Variants in HPSE2 observed in about 807,000 individuals in gnomAD.
HPSE2 encodes the protein inactive heparanase-2.
Under a neutral mutation model 60.5 loss-of-function variants are expected in HPSE2, and 38 were observed. The ratio of observed to expected loss-of-function variants is 0.63; its 90% CI spans 0.48 to 0.82. The LOEUF (loss-of-function observed/expected upper bound fraction) is 0.82. Ranked by LOEUF, HPSE2 falls within the 40% of genes least tolerant of loss-of-function variation. HPSE2 has a pLI of 0.00. For missense variants in HPSE2, 713 were observed against 740.4 expected, an observed-to-expected ratio of 0.96 and a Z score of 0.43; for synonymous variants, 295 against 293.2, an observed-to-expected ratio of 1.01 and a Z score of -0.06.
At chr10:98,472,648 C>T (rs1171182598) in intron 11 of HPSE2, among the ~76,000 whole-genome samples, 1 of 151,974 alleles carries the variant, frequency 6.6e-6, no homozygotes, top group Non-Finnish European at 1.5e-5. Flanking sequence ...AAAACAGATT[C>T]CGAGTGAATC....
intron 2 of HPSE2, among the ~76,000 whole-genome samples, chr10:99,161,446 A>C (rs1846841080): frequency 6.6e-6 from 1 of 152,294 alleles, no homozygotes; most frequent in South Asian, 2.1e-4. Flanking sequence ...TGGTGAAAGA[A>C]GCCAGACACA....
intron 3 of HPSE2, among the ~76,000 whole-genome samples, chr10:99,081,129 G>C (rs894248984): frequency 1.3e-5 from 2 of 152,250 alleles, no homozygotes; most frequent in African/African-American, 4.8e-5. Flanking sequence ...ACCAAAAGTA[G>C]AGAATGTTGG....
chr10:98,901,973 T>C (rs1035413273), intron 3 of HPSE2, among the ~76,000 whole-genome samples: 4 of 152,306 alleles, frequency 2.6e-5, no homozygotes, highest in East Asian at 3.9e-4. Flanking sequence ...ACCAGGTACC[T>C]TAGTCTCTAA....
intron 3 of HPSE2, among the ~76,000 whole-genome samples, chr10:99,092,541 C>G (rs1224221023): frequency 6.6e-6 from 1 of 152,122 alleles, no homozygotes; most frequent in African/African-American, 2.4e-5. Flanking sequence ...AAGTATTTAG[C>G]AACAATACTT....
chr10:98,753,776 G>GAAA (rs1949814520), intron 3 of HPSE2, among the ~76,000 whole-genome samples: 2 of 152,148 alleles, frequency 1.3e-5, no homozygotes, highest in Admixed American at 1.3e-4. Context: ...ATCCAGAAAA[G>GAAA]AAACTAGTCA....
intron 2 of HPSE2, among the ~76,000 whole-genome samples, chr10:99,187,015 C>T (rs1848055159): frequency 6.6e-6 from 1 of 152,020 alleles, no homozygotes; most frequent in African/African-American, 2.4e-5. Context: ...AACTCCTGGA[C>T]TCAAGCAATC....
chr10:99,029,685 T>C (rs563910088), intron 3 of HPSE2, among the ~76,000 whole-genome samples: 6 of 152,290 alleles, frequency 3.9e-5, no homozygotes, highest in African/African-American at 1.4e-4. Context: ...AATTTTCTGC[T>C]GCTATCTAGA....
At chr10:99,243,128 C>T in the HPSE2 span, among the ~76,000 whole-genome samples, 4 of 152,000 alleles carry the variant, frequency 2.6e-5, no homozygotes, top group Non-Finnish European at 4.4e-5. Context: ...CTGAGGCAGG[C>T]GGATCACGAG....
At chr10:99,031,579 C>T (rs563247214) in intron 3 of HPSE2, among the ~76,000 whole-genome samples, 3 of 152,218 alleles carry the variant, frequency 2.0e-5, no homozygotes, top group Admixed American at 6.5e-5. Context: ...GAATTTGAGC[C>T]TGGATTTTTA....
At chr10:99,243,188 C>G in the HPSE2 span, among the ~76,000 whole-genome samples, 1 of 151,834 alleles carries the variant, frequency 6.6e-6, no homozygotes, top group Non-Finnish European at 1.5e-5. Flanking sequence ...CCTGTCTCTA[C>G]TAAAAATAAA....
chr10:99,048,009 A>G, intron 3 of HPSE2: 3 of 692,736 alleles, frequency 4.3e-6, no homozygotes, highest in Non-Finnish European at 7.9e-6. Flanking sequence ...ACCTTTGCGA[A>G]GCTCAACAAG....
At chr10:98,611,180 G>GC (rs1379177108) in intron 9 of HPSE2, among the ~76,000 whole-genome samples, 1 of 152,216 alleles carries the variant, frequency 6.6e-6, no homozygotes, top group Non-Finnish European at 1.5e-5. Context: ...AAATGTCATA[G>GC]CAGGAGGTGG....
chr10:98,684,061 G>C (rs950437850), intron 6 of HPSE2, among the ~76,000 whole-genome samples: 8 of 152,172 alleles, frequency 5.3e-5, no homozygotes, highest in African/African-American at 1.9e-4. Flanking sequence ...CTCTACTACA[G>C]GGTCTCAACG....
chr10:98,857,108 C>T (rs1186495285), intron 3 of HPSE2, among the ~76,000 whole-genome samples: 1 of 152,156 alleles, frequency 6.6e-6, no homozygotes, highest in Admixed American at 6.6e-5. Context: ...CATCATCTTT[C>T]AGGAGATAGC....
In HPSE2 at chr10:98,978,245, A is replaced by T. The variant is rs547260234; in HGVS notation, c.610+165993T>A. 7.0e-4 allele frequency among the ~76,000 whole-genome samples: 107 copies of T among 152,254 alleles called. 1 individual carries two copies. Among genetic ancestry groups the T allele is most frequent in the African/African-American group, 2.5e-3 (103 of 41,570 alleles). On this transcript the variant is annotated intron_variant, in intron 3 of 11. Coordinates refer to ENST00000370552, the MANE Select transcript of HPSE2 (RefSeq NM_021828.5). ...GTGGGCATAGGAGATAAATTTTTTTAAAAGGCTATGGTTTCGAAGGAATCA... is the reference window on the plus strand; with the variant it reads ...GTGGGCATAGGAGATAAATTTTTTTTAAAGGCTATGGTTTCGAAGGAATCA...
At chr10:98,758,530 G>A (rs1383029813) in intron 3 of HPSE2, among the ~76,000 whole-genome samples, 1 of 152,080 alleles carries the variant, frequency 6.6e-6, no homozygotes, top group Non-Finnish European at 1.5e-5. Flanking sequence ...AAGGGCATGA[G>A]CAGACACTTC....
the HPSE2 span, among the ~76,000 whole-genome samples, chr10:99,263,290 T>A: frequency 6.6e-6 from 1 of 152,146 alleles, no homozygotes; most frequent in African/African-American, 2.4e-5. Context: ...TCTGCCCCTC[T>A]CCACTACCTC....
At chr10:99,030,285 G>A (rs187256415) in intron 3 of HPSE2, among the ~76,000 whole-genome samples, 58 of 151,986 alleles carry the variant, frequency 3.8e-4, no homozygotes, top group African/African-American at 1.3e-3. Flanking sequence ...CTCTTGCCTC[G>A]GCACCTGGGT....
chr10:99,236,956 A>AT (rs1849873042), upstream of HPSE2, among the ~76,000 whole-genome samples: 1 of 152,106 alleles, frequency 6.6e-6, no homozygotes, highest in African/African-American at 2.4e-5. Flanking sequence ...ACAGTGCCAG[A>AT]TGGGACCATA....
Sources: allele counts gnomAD v4.1 joint callset (sites outside exome capture counted in the v4.1 genomes callset), GRCh38; gene constraint gnomAD v4.1.1; transcripts MANE v1.5; gene names NCBI Gene and HGNC (gene_info 2026-07-23, HGNC 2026-07-21).